The following THEM4 variants were observed in gnomAD, a reference collection of about 807,000 sequenced individuals.
THEM4 encodes acyl-coenzyme A thioesterase THEM4.
THEM4 carries 22 observed loss-of-function variants against 25.0 expected under a neutral mutation model. The observed-to-expected ratio is 0.88, with a 90% CI of 0.63 to 1.26. The LOEUF is 1.26. Ranked by LOEUF, THEM4 falls within the 50% of genes most tolerant of loss-of-function variation. The pLI, the probability that THEM4 is intolerant of heterozygous loss-of-function variation, is 0.00. For synonymous variants in THEM4, 113 were observed against 105.6 expected (o/e 1.07, Z -0.43); for missense variants, 286 against 300.3 (o/e 0.95, Z 0.35).
At chr1:151,908,951 G>A (rs1654534690) in intron 1 of THEM4, among the ~76,000 whole-genome samples, 1 of 152,158 alleles carries the variant, frequency 6.6e-6, no homozygotes, top group South Asian at 2.1e-4. Context: ...AGGAAGATAA[G>A]CGTTTGGATC....
chr1:151,903,637 A>G (rs942937649), intron 1 of THEM4, among the ~76,000 whole-genome samples: 1 of 152,206 alleles, frequency 6.6e-6, no homozygotes, highest in Admixed American at 6.5e-5. Flanking sequence ...TAACCCAACA[A>G]GACAATTCAT....
intron 4 of THEM4, among the ~76,000 whole-genome samples, 182 bp downstream of exon 4, chr1:151,888,091 G>C (rs1654010243): frequency 6.6e-6 from 1 of 152,162 alleles, no homozygotes; most frequent in East Asian, 1.9e-4. Flanking sequence ...GGACTTTTGA[G>C]AGTTCAGCCT....
rs939621476 is a variant in THEM4, at chr1:151,876,925, A to T, written c.682+76T>A. Reference sequence around the variant, plus strand: ...CCTGACCCCCACAAAACCCAAATCAACCAACCAACCAACCAACCAAAACTC... The same window carrying T: ...CCTGACCCCCACAAAACCCAAATCATCCAACCAACCAACCAACCAAAACTC... On this transcript the variant is annotated intron_variant, in intron 5 of 5. Coordinates refer to ENST00000368814, the MANE Select transcript of THEM4 (RefSeq NM_053055.5). 2.7e-6 allele frequency: 4 copies of T among 1,482,382 alleles called. No homozygotes were observed. In the African/African-American group the frequency reaches 6.0e-5, roughly 22 times the overall value. The allele number at this position is 1,482,382 out of a possible 1,614,324, so 91.8% of individuals were successfully genotyped here.
chr1:151,909,157 C>T (rs1654541344), intron 1 of THEM4, among the ~76,000 whole-genome samples: 1 of 152,178 alleles, frequency 6.6e-6, no homozygotes, highest in African/African-American at 2.4e-5. Context: ...AAAACGGGGT[C>T]ACCTTTCCAT....
At chr1:151,902,413 T>C (rs534720442) in intron 1 of THEM4, among the ~76,000 whole-genome samples, 28 of 151,994 alleles carry the variant, frequency 1.8e-4, no homozygotes, top group African/African-American at 6.5e-4. Context: ...AACCAAACAT[T>C]GTATGTTCTC....
intron 1 of THEM4, among the ~76,000 whole-genome samples, chr1:151,899,989 G>A (rs1222900918): frequency 1.3e-5 from 2 of 152,166 alleles, no homozygotes; most frequent in Admixed American, 6.5e-5. Context: ...AGAAGGGATT[G>A]GGGCCCTATC....
At chr1:151,906,776 T>G (rs1169559258) in intron 1 of THEM4, among the ~76,000 whole-genome samples, 1 of 152,076 alleles carries the variant, frequency 6.6e-6, no homozygotes, top group Non-Finnish European at 1.5e-5. Context: ...TGGTGGGGAC[T>G]GGGAGAACCT....
At chr1:151,891,960 T>G (rs537636912) in intron 2 of THEM4, among the ~76,000 whole-genome samples, 1 of 152,168 alleles carries the variant, frequency 6.6e-6, no homozygotes, top group South Asian at 2.1e-4. Flanking sequence ...GGTTTTTTGT[T>G]TTTGTTTTTT....
rs1654038400 is a variant in THEM4, at chr1:151,889,311, C to T, written c.349G>A (p.Asp117Asn). 2.5e-6 allele frequency: 4 copies of T among 1,613,936 alleles called. No homozygotes were observed. In the African/African-American group the frequency reaches 5.3e-5, roughly 22 times the overall value. ...ATCACGTATTCAAAGCCCAGGCCAT[C>T]ATCAAAGCTTCTGGTGAAGAGCTGG... ...QAQLFTRSFD[D>N]GLGFEYVMFY... The change falls in exon 3 of 6, where the codon GAT becomes AAT. Residue 117 changes from aspartate (D) to asparagine (N), a missense_variant. Asp to Asn is a conservative substitution (Grantham distance 23). Transcript: ENST00000368814.
intron 1 of THEM4, among the ~76,000 whole-genome samples, chr1:151,897,418 C>T (rs531023881): frequency 6.6e-6 from 1 of 152,288 alleles, no homozygotes; most frequent in African/African-American, 2.4e-5. Context: ...GGCCTCCCAA[C>T]CTATATCTTT....
Position 151,889,373 on chromosome 1 carries a change from T to C in THEM4, c.287A>G (p.Asp96Gly), listed in dbSNP as rs748211857. ...WIQDFKTHFLDPKLMKEEQMS... is the reference protein window; with the variant it reads ...WIQDFKTHFLGPKLMKEEQMS... ...TTGTTCTTCTTTCATAAGCTTTGGG[T>C]CTATAGAAAATGAGGTGGATGGCAA... is the stretch of plus-strand genomic sequence containing the variant. Residue 96 changes from aspartate to glycine, a missense_variant and splice_region_variant, in exon 3 of 6, where the codon GAC becomes GGC. Coordinates refer to ENST00000368814, the MANE Select transcript of THEM4 (RefSeq NM_053055.5). 1.9e-6 allele frequency: 3 copies of C among 1,612,222 alleles called. No individual in the cohort carries two copies. The highest frequency in any genetic ancestry group is 2.5e-6 in the Non-Finnish European group (3 of 1,179,142).
chr1:151,874,556 G>T lies in THEM4; in HGVS notation c.*332C>A. The T allele has an allele frequency of 3.6e-6, 1 of 279,448 alleles. No individual in the cohort carries two copies. 17.3% of individuals were successfully genotyped at this position (279,448 alleles called of 1,614,324 possible). A position where few individuals can be genotyped will look rare whatever the true frequency, so the allele number is the denominator to read the frequency against. ...TGCCTGGATAATTTTTTGTATTTTA[G>T]TAGAGACGGAGTTTCATCGTGTTGC... On this transcript the variant is annotated 3_prime_UTR_variant, in exon 6 of 6. Coordinates refer to ENST00000368814, the MANE Select transcript of THEM4 (RefSeq NM_053055.5).
intron 4 of THEM4, among the ~76,000 whole-genome samples, chr1:151,881,671 G>C (rs1653823433): frequency 1.3e-5 from 2 of 152,230 alleles, no homozygotes; most frequent in Admixed American, 6.5e-5. Context: ...TTTACTGCCA[G>C]TGTAATGGTG....
chr1:151,889,218 G>C lies in THEM4; in HGVS notation c.442C>G (p.Pro148Ala). 3.1e-6 allele frequency: 5 copies of C among 1,612,048 alleles called. No individual in the cohort carries two copies. Among genetic ancestry groups the C allele is most frequent in the Non-Finnish European group, 4.2e-6 (5 of 1,179,652 alleles). The change falls in exon 3 of 6, where the codon CCT becomes GCT. Residue 148 changes from proline (P) to alanine (A), a missense_variant. Transcript: ENST00000368814. ...CTTTCAGGCTATCATTCTTACCCAG[G>C]TGGTCCTTCCAGGTAAGGGCCTCCT... ...FQGGPYLEGP[P>A]GFIHGGAIAT...
rs188751198 is a variant in THEM4, at chr1:151,882,271, G to A, written c.558-5146C>T. Among the ~76,000 whole-genome samples the A allele has an allele frequency of 3.3e-3, 495 of 151,978 alleles. 2 individuals carry two copies. Among genetic ancestry groups the A allele is most frequent in the Non-Finnish European group, 5.7e-3 (387 of 67,990 alleles). ...TGTGCCTGTAATGTCAGCGACTCAGGAGGCTGAGGCAGGAGAATCGCTTGA... is the reference window on the plus strand; with the variant it reads ...TGTGCCTGTAATGTCAGCGACTCAGAAGGCTGAGGCAGGAGAATCGCTTGA... On this transcript the variant is annotated intron_variant, in intron 4 of 5. Transcript: ENST00000368814.
intron 4 of THEM4, among the ~76,000 whole-genome samples, chr1:151,884,508 T>C (rs1022417485): frequency 6.6e-6 from 1 of 152,180 alleles, no homozygotes; most frequent in Non-Finnish European, 1.5e-5. Context: ...CCACAGCTTT[T>C]GAGTTTCTAG....
chr1:151,889,116 C>A lies in THEM4; in HGVS notation c.446+98G>T, dbSNP rs561613760. 17 of 875,976 alleles carry A rather than the reference C, an allele frequency of 1.9e-5. No homozygotes were observed. In the South Asian group the frequency reaches 3.2e-4, roughly 16 times the overall value. The allele number at this position is 875,976 out of a possible 1,614,324, so 54.3% of individuals were successfully genotyped here. On this transcript the variant is annotated intron_variant, in intron 3 of 5. Transcript: ENST00000368814. Reference sequence around the variant, plus strand: ...TGTCAATAAATATACATCTATGTGACCATTTGAAAATCTTTATTGTAGTCC... The same window carrying A: ...TGTCAATAAATATACATCTATGTGAACATTTGAAAATCTTTATTGTAGTCC...
At chr1:151,905,715 T>G (rs1654444329) in intron 1 of THEM4, among the ~76,000 whole-genome samples, 1 of 152,112 alleles carries the variant, frequency 6.6e-6, no homozygotes, top group African/African-American at 2.4e-5. Context: ...TCCCCTTCCG[T>G]GTGATTGTAC....
chr1:151,897,782 T>G (rs568672690), intron 1 of THEM4, among the ~76,000 whole-genome samples: 1 of 152,220 alleles, frequency 6.6e-6, no homozygotes, highest in East Asian at 1.9e-4. Flanking sequence ...AACTGTGGAA[T>G]TGGGAAAGAA....
Sources: gnomAD v4.1 joint callset for allele counts (sites outside exome capture counted in the v4.1 genomes callset) on GRCh38, gnomAD v4.1.1 for gene constraint, MANE v1.5 for transcripts, NCBI Gene and HGNC (gene_info 2026-07-23, HGNC 2026-07-21) for gene names.